Variants in VCAN observed in about 807,000 individuals in gnomAD.
VCAN encodes versican core protein.
In VCAN, 44 loss-of-function variants were observed where a neutral mutation model predicts 245.5. The observed-to-expected ratio is 0.18, with a 90% confidence interval of 0.14 to 0.23. VCAN has a LOEUF of 0.23. Ranked by LOEUF, VCAN falls within the 10% of genes least tolerant of loss-of-function variation. VCAN has a pLI of 1.00. For synonymous variants in VCAN, 1,413 were observed against 1,437.0 expected (o/e 0.98, Z 0.38); for missense variants, 3,793 against 4,057.9 (o/e 0.93, Z 1.77).
At chr5:83,533,620 G>A (rs1325289490) in intron 7 of VCAN, among the ~76,000 whole-genome samples, 1 of 152,112 alleles carries the variant, frequency 6.6e-6, no homozygotes, top group Non-Finnish European at 1.5e-5. Context: ...TGCAAAAACC[G>A]ATATGAAGCA....
chr5:83,472,505 C>A (rs1460720009), intron 1 of VCAN, among the ~76,000 whole-genome samples: 1 of 152,174 alleles, frequency 6.6e-6, no homozygotes, highest in Admixed American at 6.5e-5. Flanking sequence ...GGTTTCCCAG[C>A]CCCTGGTGTG....
rs781316774 is a variant in VCAN, at chr5:83,539,195, A to G, written c.6192A>G (p.Ala2064=). ...GAAGATCCACCATTTTACCAACAGC[A>G]GAAGTGGAAGGTACGAAAGCTCCAG... ...IDRRSTILPT[A]EVEGTKAPVE... Residue 2064 remains alanine (A), a synonymous_variant, in exon 8 of 15, where the codon GCA becomes GCG. Transcript: ENST00000265077. 5.0e-5 allele frequency: 80 copies of G among 1,613,900 alleles called. No individual in the cohort carries two copies. The highest frequency in any genetic ancestry group is 6.2e-5 in the Non-Finnish European group (73 of 1,179,986).
In VCAN at chr5:83,581,167, T is replaced by G. The variant is rs1232287875; in HGVS notation, c.*733T>G. 6.5e-6 allele frequency: 1 copy of G among 153,224 alleles called. No individual in the cohort carries two copies. Among genetic ancestry groups the G allele is most frequent in the Non-Finnish European group, 1.5e-5 (1 of 68,546 alleles). 9.5% of individuals were successfully genotyped at this position (153,224 alleles called of 1,614,324 possible). A position where few individuals can be genotyped will look rare whatever the true frequency, so the allele number is the denominator to read the frequency against. ...GAGGACTTTTCTGTAACCAGGAACA[T>G]TTTTTAGGGGTCAAAGTGCTAATAA... is the stretch of plus-strand genomic sequence containing the variant. On this transcript the variant is annotated 3_prime_UTR_variant, in exon 15 of 15. Transcript: ENST00000265077.
rs1328912829 is a variant in VCAN at position 83,507,325 on chromosome 5, C to T, written c.749-4778C>T. Among the ~76,000 whole-genome samples, 3 of 152,118 alleles carry T rather than the reference C, an allele frequency of 2.0e-5. No individual in the cohort carries two copies. In the East Asian group the frequency reaches 5.8e-4, roughly 29 times the overall value. On this transcript the variant is annotated intron_variant, in intron 5 of 14. Coordinates refer to ENST00000265077, the MANE Select transcript of VCAN (RefSeq NM_004385.5). The stretch of plus-strand genomic sequence containing the variant: ...ATTAAATTGTTCAGGTACAAGTATC[C>T]AGGAGCAGAGATAGAACACAACTTT...
intron 1 of VCAN, among the ~76,000 whole-genome samples, chr5:83,472,685 C>A (rs562480707): frequency 2.6e-5 from 4 of 152,132 alleles, no homozygotes; most frequent in African/African-American, 9.7e-5. Flanking sequence ...GTCTCTTTGA[C>A]GACTTGGGGA....
At chr5:83,575,757 G>A (rs983938468) in intron 13 of VCAN, among the ~76,000 whole-genome samples, 2 of 152,042 alleles carry the variant, frequency 1.3e-5, no homozygotes, top group Admixed American at 6.6e-5. Context: ...ACTGTCCCAC[G>A]TTGAGAACCA....
chr5:83,547,431 T>A (rs1287312164), intron 9 of VCAN, among the ~76,000 whole-genome samples: 1 of 152,172 alleles, frequency 6.6e-6, no homozygotes, highest in Non-Finnish European at 1.5e-5. Flanking sequence ...GCAATTGGGA[T>A]CCATGGAATG....
Position 83,553,345 on chromosome 5 carries a change from C to G in VCAN, c.9494-19C>G. 6.2e-7 allele frequency: 1 copy of G among 1,613,752 alleles called. No homozygotes were observed. Among genetic ancestry groups the G allele is most frequent in the South Asian group, 1.1e-5 (1 of 91,062 alleles). On this transcript the variant is annotated intron_variant, in intron 10 of 14. Coordinates refer to ENST00000265077, the MANE Select transcript of VCAN (RefSeq NM_004385.5). Reference sequence around the variant, plus strand: ...ATGACGTATGTGCGTTTAATAAGCTCCTGCCTGTTTCTTCTCAGATACCGA... The same window carrying G: ...ATGACGTATGTGCGTTTAATAAGCTGCTGCCTGTTTCTTCTCAGATACCGA...
chr5:83,498,464 T>C (rs529946131), intron 5 of VCAN, among the ~76,000 whole-genome samples: 2 of 152,232 alleles, frequency 1.3e-5, no homozygotes, highest in Non-Finnish European at 2.9e-5. Flanking sequence ...CCTACTCACC[T>C]TGATTTACAA....
chr5:83,566,879 A>G lies in VCAN; in HGVS notation c.9736-5537A>G, dbSNP rs77939259. On this transcript the variant is annotated intron_variant, in intron 12 of 14. Transcript: ENST00000265077. ...AATCGAAACATTTAGAGTTCGATAG[A>G]CTTCAATGAATAGCTTCAGTCTGCT... 4.6e-5 allele frequency among the ~76,000 whole-genome samples: 7 copies of G among 152,314 alleles called. No individual in the cohort carries two copies. In the East Asian group the frequency reaches 1.3e-3, roughly 29 times the overall value.
chr5:83,514,253 G>A (rs1384359813), intron 6 of VCAN, among the ~76,000 whole-genome samples: 1 of 149,756 alleles, frequency 6.7e-6, no homozygotes, highest in Non-Finnish European at 1.5e-5. Flanking sequence ...TCCCACCTAA[G>A]CATGTGGCTA....
chr5:83,503,588 A>T (rs1222789695), intron 5 of VCAN, among the ~76,000 whole-genome samples: 2 of 152,248 alleles, frequency 1.3e-5, no homozygotes, highest in East Asian at 3.8e-4. Flanking sequence ...ATTAGTTTAT[A>T]AGAACTGATT....
intron 7 of VCAN, among the ~76,000 whole-genome samples, chr5:83,529,771 A>G (rs1746447519): frequency 6.6e-6 from 1 of 152,162 alleles, no homozygotes; most frequent in African/African-American, 2.4e-5. Flanking sequence ...TCACTGTGAC[A>G]GGCATTTCAC....
At chr5:83,472,198 G>A (rs33608) in intron 1 of VCAN, among the ~76,000 whole-genome samples, 175 bp downstream of exon 1, 57,815 of 151,830 alleles carry the variant, frequency 0.38, 11,162 homozygotes, top group South Asian at 0.49. Context: ...ACTTTCATAA[G>A]GGCTTTTGGG....
chr5:83,560,915 T>C (rs1747842558), intron 12 of VCAN, among the ~76,000 whole-genome samples: 1 of 152,140 alleles, frequency 6.6e-6, no homozygotes, highest in Non-Finnish European at 1.5e-5. Flanking sequence ...ATCAGACGCA[T>C]TTACTTCAAA....
At chr5:83,536,537 A>G (rs1232533289) in intron 7 of VCAN, 1 of 153,070 alleles carries the variant, frequency 6.5e-6, no homozygotes, top group Non-Finnish European at 1.5e-5. Context: ...CCTTACATAA[A>G]GGACAATTAC....
rs1466461873 is a variant in VCAN at position 83,572,427 on chromosome 5, T to C, written c.9747T>C (p.Asn3249=). The change falls in exon 13 of 15, where the codon AAT becomes AAC. Residue 3249 remains asparagine, a synonymous_variant. Transcript: ENST00000265077. ...CTCCATTTTTACAGCAATACGAGAA[T>C]TGGAGACCCAACCAGCCAGACAGCT... ...WTDGSTLQYE[N]WRPNQPDSFF... is the part of the protein sequence containing the mutation. The C allele has an allele frequency of 6.2e-7, 1 of 1,613,866 alleles. No individual in the cohort carries two copies. The highest frequency in any genetic ancestry group is 2.2e-5 in the East Asian group (1 of 44,858).
intron 1 of VCAN, among the ~76,000 whole-genome samples, chr5:83,481,295 A>C (rs1744606558): frequency 6.6e-6 from 1 of 150,484 alleles, no homozygotes; most frequent in Non-Finnish European, 1.5e-5. Context: ...CCCAGGCGCA[A>C]TCTCAGCTCA....
At chr5:83,579,798 A>T (rs1748605540) in intron 13 of VCAN, among the ~76,000 whole-genome samples, 182 bp from the exon 14 acceptor site, 2 of 152,224 alleles carry the variant, frequency 1.3e-5, no homozygotes. Flanking sequence ...TGAGATTCAA[A>T]GTAGGCCCAG....
Sources: gnomAD v4.1 joint callset for allele counts (sites outside exome capture counted in the v4.1 genomes callset) on GRCh38, gnomAD v4.1.1 for gene constraint, MANE v1.5 for transcripts, NCBI Gene and HGNC (gene_info 2026-07-23, HGNC 2026-07-21) for gene names.